Variants in TAMALIN observed in about 807,000 individuals in gnomAD.
The protein encoded by TAMALIN is protein TAMALIN.
A neutral mutation model predicts 38.5 loss-of-function variants in TAMALIN; 9 were observed. The observed-to-expected ratio is 0.23, with a 90% CI of 0.14 to 0.41. The LOEUF (loss-of-function observed/expected upper bound fraction) is 0.41. Ranked by LOEUF, TAMALIN falls within the 10% of genes least tolerant of loss-of-function variation. The pLI, the probability that TAMALIN is intolerant of heterozygous loss-of-function variation, is 1.00. For missense variants in TAMALIN, 548 were observed against 554.1 expected (o/e 0.99, Z 0.11); for synonymous variants, 306 against 256.5 (o/e 1.19, Z -1.85).
Position 52,010,848 on chromosome 12 carries a change from T to C in TAMALIN, c.297-33T>C, listed in dbSNP as rs1199088080. The C allele has an allele frequency of 1.9e-6, 3 of 1,612,732 alleles. No homozygotes were observed. The African/African-American group carries it at 4.0e-5, about 22-fold the overall frequency. On this transcript the variant is annotated intron_variant, in intron 2 of 7. Coordinates refer to ENST00000293662, the MANE Select transcript of TAMALIN (RefSeq NM_181711.4). The stretch of plus-strand genomic sequence containing the variant: ...GCTATGGGACTTCTACACCTTTTAA[T>C]CCTAATTGTCTTGACCCCTGTGTCT...
chr12:52,010,563 G>C (rs980021231), intron 2 of TAMALIN: 6 of 1,173,394 alleles, frequency 5.1e-6, no homozygotes, highest in African/African-American at 4.8e-5. Context: ...TAGCTAGTCA[G>C]TAAGTGGTAC....
At position 52,014,741 on chromosome 12, in the gene TAMALIN, C is replaced by T. The variant is rs1256269441; in HGVS notation, c.730C>T (p.Arg244Cys). Residue 244 changes from arginine to cysteine, a missense_variant, in exon 8 of 8, where the codon CGC (arginine) becomes TGC (cysteine). Physicochemically the swap from Arg to Cys is radical, Grantham distance 180. Around this residue, in one of 3 missense-constraint regions of TAMALIN, gnomAD observed 415 missense variants for 417.0 expected, o/e 1.00. Transcript: ENST00000293662. ...CATCTACGACACGCTGGAGTCGGTG[C>T]GCTCCTGCCTCTACGGCGCGGGCCT... is the stretch of plus-strand genomic sequence containing the variant. ...PSIYDTLESV[R>C]SCLYGAGLLP... is the part of the protein sequence containing the mutation. 3 of 1,518,948 alleles carry T rather than the reference C, an allele frequency of 2.0e-6. No individual in the cohort carries two copies. Among genetic ancestry groups the T allele is most frequent in the African/African-American group, 1.4e-5 (1 of 70,730 alleles). 94.1% of individuals were successfully genotyped at this position (1,518,948 alleles called of 1,614,324 possible).
In TAMALIN at chr12:52,014,839, C is replaced by A; in HGVS notation, c.828C>A (p.Ala276=). 1 of 1,284,404 alleles carries A rather than the reference C, an allele frequency of 7.8e-7. No homozygotes were observed. 79.6% of individuals were successfully genotyped at this position (1,284,404 alleles called of 1,614,324 possible). A position where few individuals can be genotyped will look rare whatever the true frequency, so the allele number is the denominator to read the frequency against. ...GTCCCCGCGGAGGCGCCCGACGGGC[C>A]AGGGGCGACGCCGACGACGCCGTCT... The part of the protein sequence containing the change: ...PGRPRGGARR[A]RGDADDAVYH... Residue 276 remains alanine, a synonymous_variant, in exon 8 of 8, where the codon GCC becomes GCA. Coordinates refer to ENST00000293662, the MANE Select transcript of TAMALIN (RefSeq NM_181711.4).
At chr12:52,009,679 TC>T (rs1942468963) in intron 2 of TAMALIN, among the ~76,000 whole-genome samples, 1 of 152,200 alleles carries the variant, frequency 6.6e-6, no homozygotes, top group Non-Finnish European at 1.5e-5. Flanking sequence ...AGAATGTCAG[TC>T]CTCTTCTGGT....
In TAMALIN at chr12:52,014,851, C is replaced by G. The variant is rs1937755499; in HGVS notation, c.840C>G (p.Ala280=). The stretch of plus-strand genomic sequence containing the variant: ...GCGCCCGACGGGCCAGGGGCGACGC[C>G]GACGACGCCGTCTACCACACGTGCT... ...RGGARRARGD[A]DDAVYHTCFF... The change falls in exon 8 of 8, where the codon GCC becomes GCG. Residue 280 remains alanine, a synonymous_variant. Coordinates refer to ENST00000293662, the MANE Select transcript of TAMALIN (RefSeq NM_181711.4). 1.6e-6 allele frequency: 2 copies of G among 1,259,872 alleles called. No individual in the cohort carries two copies. The highest frequency in any genetic ancestry group is 2.0e-6 in the Non-Finnish European group (2 of 999,688). 78.0% of individuals were successfully genotyped at this position (1,259,872 alleles called of 1,614,324 possible).
Position 52,007,957 on chromosome 12 carries a change from G to A in TAMALIN, c.246+692G>A, listed in dbSNP as rs940222051. ...TGCCAGCCTCTTCCTCTGGCCCCAG[G>A]AGACCTGAGGCTCAGAACCTACACA... On this transcript the variant is annotated intron_variant, in intron 1 of 7. Coordinates refer to ENST00000293662, the MANE Select transcript of TAMALIN (RefSeq NM_181711.4). This position sits in a 1 kb window ranked among gnomAD's most constrained non-coding sequence, Gnocchi z 6.7. 8.1e-6 allele frequency: 8 copies of A among 985,318 alleles called. No individual in the cohort carries two copies. The African/African-American group carries it at 1.4e-4, about 17-fold the overall frequency. 61.0% of individuals were successfully genotyped at this position (985,318 alleles called of 1,614,324 possible).
Position 52,013,744 on chromosome 12 carries a change from T to C in TAMALIN, c.512T>C (p.Ile171Thr). 3 of 1,614,064 alleles carry C rather than the reference T, an allele frequency of 1.9e-6. No homozygotes were observed. Among genetic ancestry groups the C allele is most frequent in the Non-Finnish European group, 2.5e-6 (3 of 1,180,000 alleles). Residue 171 changes from isoleucine to threonine, a missense_variant, in exon 5 of 8, where the codon ATT becomes ACT. Ile to Thr is a moderately conservative substitution (Grantham distance 89). This residue lies in a region of TAMALIN where 415 missense variants were observed against 417.0 expected (regional missense o/e 1.00). Transcript: ENST00000293662. ...LNVEGIRHRE[I>T]VDIIKASGNV... ...GTGGAAGGCATCCGGCATCGAGAGA[T>C]TGTGGACATCATTAAGGCGTCAGGC...
rs774295764 is a variant in TAMALIN, at chr12:52,011,189, T to G, written c.454+48T>G. 2 of 1,604,264 alleles carry G rather than the reference T, an allele frequency of 1.2e-6. No homozygotes were observed. The highest frequency in any genetic ancestry group is 4.5e-5 in the East Asian group (2 of 44,886). On this transcript the variant is annotated intron_variant, in intron 4 of 7. Coordinates refer to ENST00000293662, the MANE Select transcript of TAMALIN (RefSeq NM_181711.4). This position sits in a 1 kb window ranked among gnomAD's most constrained non-coding sequence, Gnocchi z 5.3. ...CCAGGTCTGGGAAGGGGATATGACC[T>G]TACTCCCAAGCAAAGGGGGTGAGCA...
In TAMALIN at chr12:52,013,789, G is replaced by A. The variant is rs1937718031; in HGVS notation, c.548+9G>A. On this transcript the variant is annotated intron_variant, in intron 5 of 7. Coordinates refer to ENST00000293662, the MANE Select transcript of TAMALIN (RefSeq NM_181711.4). ...TCAGGCAATGTTCTCAGGTATGTCT[G>A]GGAGCCGAGGTGCCTGAATTCCTGA... The A allele has an allele frequency of 6.2e-7, 1 of 1,613,806 alleles. No homozygotes were observed. Among genetic ancestry groups the A allele is most frequent in the South Asian group, 1.1e-5 (1 of 91,072 alleles).
intron 1 of TAMALIN, among the ~76,000 whole-genome samples, chr12:52,008,923 A>G (rs761632181): frequency 1.2e-4 from 19 of 152,238 alleles, no homozygotes; most frequent in African/African-American, 3.6e-4. Context: ...GAAACCAGCA[A>G]GGGCTTAGAG....
At chr12:52,010,971 G>T in intron 3 of TAMALIN, 36 bp downstream of exon 3, 1 of 1,614,030 alleles carries the variant, frequency 6.2e-7, no homozygotes, top group African/African-American at 1.3e-5. Context: ...AGGGGGGTTG[G>T]ATGACCAGCC....
At chr12:52,014,484 C>T (rs1379685535) in intron 7 of TAMALIN, 1 of 600,554 alleles carries the variant, frequency 1.7e-6, no homozygotes, top group Non-Finnish European at 3.0e-6. Context: ...TTCCGAGGCC[C>T]GTTTGTGCTA....
At position 52,007,315 on chromosome 12, in the gene TAMALIN, C is replaced by G. The variant is rs779361168; in HGVS notation, c.246+50C>G. On this transcript the variant is annotated intron_variant, in intron 1 of 7. Transcript: ENST00000293662. The surrounding 1 kb of genome is among the most constrained non-coding windows in gnomAD (Gnocchi z 6.7). ...ATCTGCTCAGCCCCTCTCCGACTCC[C>G]TACAGGGCCTGCTGACTCCGCAGTG... The G allele has an allele frequency of 7.3e-7, 1 of 1,367,670 alleles. No individual in the cohort carries two copies. The highest frequency in any genetic ancestry group is 1.9e-5 in the South Asian group (1 of 52,550). The allele number at this position is 1,367,670 out of a possible 1,614,324, so 84.7% of individuals were successfully genotyped here.
At chr12:52,009,090 G>A in intron 1 of TAMALIN, 100 bp from the exon 2 acceptor site, 2 of 1,130,790 alleles carry the variant, frequency 1.8e-6, no homozygotes, top group Non-Finnish European at 2.6e-6. Context: ...GCTGGGAAGG[G>A]GCAGACAGGA....
intron 4 of TAMALIN, among the ~76,000 whole-genome samples, chr12:52,012,138 G>A (rs1937666614): frequency 6.6e-6 from 1 of 152,076 alleles, no homozygotes; most frequent in Non-Finnish European, 1.5e-5. Context: ...ACAAAACATG[G>A]GTGATCTTGC....
rs1373894069 is a variant in TAMALIN, at chr12:52,013,298, C to T, written c.455-389C>T. ...TTCACCGTGTTAGCCAGGATGGTCTCGATCTCCTGACCTCGTGATCCGCCC... is the reference window on the plus strand; with the variant it reads ...TTCACCGTGTTAGCCAGGATGGTCTTGATCTCCTGACCTCGTGATCCGCCC... On this transcript the variant is annotated intron_variant, in intron 4 of 7. Transcript: ENST00000293662. Among the ~76,000 whole-genome samples, 7 of 151,362 alleles carry T rather than the reference C, an allele frequency of 4.6e-5. 1 individual carries two copies. Among genetic ancestry groups the T allele is most frequent in the South Asian group, 4.2e-4 (2 of 4,788 alleles).
chr12:52,013,234 C>T (rs1337414415), intron 4 of TAMALIN, among the ~76,000 whole-genome samples: 1 of 150,004 alleles, frequency 6.7e-6, no homozygotes, highest in Non-Finnish European at 1.5e-5. Flanking sequence ...CCTGCTACCA[C>T]GCCCGGCTAA....
Position 52,015,226 on chromosome 12 carries a change from A to C in TAMALIN, c.*27A>C, listed in dbSNP as rs1937780630. ...GGCGGGGGCGGGCAGGGAGGTATTT[A>C]TTTATTTATTCGCAACAGCCAGCGC... is the stretch of plus-strand genomic sequence containing the variant. On this transcript the variant is annotated 3_prime_UTR_variant, in exon 8 of 8. Coordinates refer to ENST00000293662, the MANE Select transcript of TAMALIN (RefSeq NM_181711.4). The C allele has an allele frequency of 6.4e-7, 1 of 1,565,068 alleles. No individual in the cohort carries two copies. Among genetic ancestry groups the C allele is most frequent in the African/African-American group, 1.4e-5 (1 of 72,548 alleles).
chr12:52,007,025 C>G lies in TAMALIN; in HGVS notation c.6C>G (p.Thr2=). The change falls in exon 1 of 8, where the codon ACC becomes ACG. Residue 2 remains threonine (T), a synonymous_variant. Transcript: ENST00000293662. The surrounding 1 kb of genome is among the most constrained non-coding windows in gnomAD (Gnocchi z 6.7). ...GGGCGTCCGGCGCCGGAGCCATGAC[C>G]CTCCGCCGACTCAGGAAGCTGCAGC... M[T]LRRLRKLQQK... 1 of 1,432,046 alleles carries G rather than the reference C, an allele frequency of 7.0e-7. No individual in the cohort carries two copies. Among genetic ancestry groups the G allele is most frequent in the Non-Finnish European group, 9.1e-7 (1 of 1,100,128 alleles). The allele number at this position is 1,432,046 out of a possible 1,614,324, so 88.7% of individuals were successfully genotyped here.
Sources: gnomAD v4.1 joint callset for allele counts (sites outside exome capture counted in the v4.1 genomes callset) on GRCh38, gnomAD v4.1.1 for gene constraint, gnomAD v4.1.1 regional missense constraint, Gnocchi (gnomAD v3.1) non-coding constraint, MANE v1.5 for transcripts, NCBI Gene and HGNC (gene_info 2026-07-23, HGNC 2026-07-21) for gene names.